Variants in GRIN2B observed in about 807,000 individuals in gnomAD.
GRIN2B encodes the protein glutamate receptor ionotropic, NMDA 2B.
Under a neutral mutation model 114.5 loss-of-function variants are expected in GRIN2B, and 5 were observed. The observed-to-expected ratio is 0.04, with a 90% CI of 0.02 to 0.09. GRIN2B has a LOEUF of 0.09. Among genes scored for constraint, GRIN2B ranks in the 10% least tolerant of loss-of-function variants. GRIN2B has a pLI of 1.00. For missense variants in GRIN2B, 1,108 were observed against 1,943.5 expected (o/e 0.57, Z 8.08); for synonymous variants, 787 against 745.1 (o/e 1.06, Z -0.92).
intron 4 of GRIN2B, among the ~76,000 whole-genome samples, chr12:13,682,229 C>T (rs946879564): frequency 1.3e-5 from 2 of 152,130 alleles, no homozygotes; most frequent in Non-Finnish European, 1.5e-5. Flanking sequence ...CAACAATGTC[C>T]TCTTTTTAAG....
At position 13,563,442 on chromosome 12, in the gene GRIN2B, G is replaced by C. The variant is rs199935748; in HGVS notation, c.3796C>G (p.Pro1266Ala). Residue 1266 changes from proline (P) to alanine (A), a missense_variant, in exon 14 of 14, where the codon CCG becomes GCG. Pro to Ala is a conservative substitution (Grantham distance 27). Around this residue, in one of 19 missense-constraint regions of GRIN2B, gnomAD observed 478 missense variants for 506.0 expected, o/e 0.94. Coordinates refer to ENST00000609686, the MANE Select transcript of GRIN2B (RefSeq NM_000834.5). ...GACGTCACCGCCACTGGGGCAGCCG[G>C]CTGGTCCAGTTCCTGCAGGGAGTTG... ...EDNSLQELDQPAAPVAVTSNA... is the reference protein window; with the variant it reads ...EDNSLQELDQAAAPVAVTSNA... 1.2e-6 allele frequency: 2 copies of C among 1,614,208 alleles called. No individual in the cohort carries two copies. The highest frequency in any genetic ancestry group is 2.7e-5 in the African/African-American group (2 of 75,052).
chr12:13,775,294 G>A (rs1439437443), intron 3 of GRIN2B, among the ~76,000 whole-genome samples: 1 of 152,146 alleles, frequency 6.6e-6, no homozygotes. Context: ...TGGGGCTTGC[G>A]AGTAAGAGCT....
At chr12:13,858,705 G>A (rs1865703773) in intron 3 of GRIN2B, among the ~76,000 whole-genome samples, 2 of 152,112 alleles carry the variant, frequency 1.3e-5, no homozygotes, top group Admixed American at 1.3e-4. Context: ...ATCTATGAGT[G>A]ACTCTGATTC....
At chr12:13,593,843 A>G (rs1345060942) in intron 10 of GRIN2B, among the ~76,000 whole-genome samples, 1 of 152,086 alleles carries the variant, frequency 6.6e-6, no homozygotes, top group Non-Finnish European at 1.5e-5. Flanking sequence ...AACAAACAAC[A>G]CCATCAAAAA....
rs1000558956 is a variant in GRIN2B, at chr12:13,980,364, G to C, written c.-447-8C>G. 3 of 152,196 alleles carry C rather than the reference G, an allele frequency of 2.0e-5. No homozygotes were observed. Among genetic ancestry groups the C allele is most frequent in the African/African-American group, 7.2e-5 (3 of 41,444 alleles). The allele number at this position is 152,196 out of a possible 1,614,324, so 9.4% of individuals were successfully genotyped here. On this transcript the variant is annotated splice_region_variant and splice_polypyrimidine_tract_variant and intron_variant, in intron 1 of 13. Transcript: ENST00000609686. Reference sequence around the variant, plus strand: ...TCCCAAAGCGTCCCCTTCCTAAGGGGGAAAAAGAGGCGGTCAGGGCTTGAT... The same window carrying C: ...TCCCAAAGCGTCCCCTTCCTAAGGGCGAAAAAGAGGCGGTCAGGGCTTGAT...
chr12:13,657,892 A>G (rs1949881939), intron 5 of GRIN2B, among the ~76,000 whole-genome samples: 4 of 152,204 alleles, frequency 2.6e-5, no homozygotes, highest in Non-Finnish European at 2.9e-5. Flanking sequence ...TTATAAAAAT[A>G]TTCCCACATG....
chr12:13,752,837 C>T (rs1591711955), intron 4 of GRIN2B, among the ~76,000 whole-genome samples: 2 of 152,202 alleles, frequency 1.3e-5, no homozygotes, highest in Non-Finnish European at 2.9e-5. Context: ...TACTACAATA[C>T]GGCAACATTC....
intron 4 of GRIN2B, among the ~76,000 whole-genome samples, chr12:13,749,484 C>T (rs1045973579): frequency 7.6e-4 from 116 of 152,238 alleles, no homozygotes; most frequent in African/African-American, 2.8e-3. Context: ...AGAAATCTCC[C>T]AGAGAGCCTT....
At chr12:13,723,380 C>T (rs147434272) in intron 4 of GRIN2B, among the ~76,000 whole-genome samples, 219 of 151,972 alleles carry the variant, frequency 1.4e-3, no homozygotes, top group African/African-American at 4.8e-3. Context: ...TGACCACTTG[C>T]TGTCAGCAAT....
intron 2 of GRIN2B, among the ~76,000 whole-genome samples, chr12:13,973,423 TTTAA>T (rs1346243064): frequency 2.0e-5 from 3 of 152,214 alleles, no homozygotes; most frequent in Non-Finnish European, 1.5e-5. Context: ...TCATTGAAAC[TTTAA>T]TTGTCTTAAT....
intron 2 of GRIN2B, among the ~76,000 whole-genome samples, chr12:13,901,498 T>C (rs1310768674): frequency 6.6e-6 from 1 of 152,084 alleles, no homozygotes; most frequent in Admixed American, 6.5e-5. Context: ...CAGTAGCCAC[T>C]TGTGGCTATT....
intron 10 of GRIN2B, among the ~76,000 whole-genome samples, chr12:13,575,381 G>A (rs577520418): frequency 3.9e-5 from 6 of 152,082 alleles, no homozygotes; most frequent in Non-Finnish European, 5.9e-5. Context: ...TAATCGGGCC[G>A]GGTGCAGTGG....
At chr12:13,816,045 C>T (rs1864817563) in intron 3 of GRIN2B, among the ~76,000 whole-genome samples, 2 of 152,132 alleles carry the variant, frequency 1.3e-5, no homozygotes, top group Non-Finnish European at 2.9e-5. Context: ...ACTTGAGAGG[C>T]ATTTGCAGAG....
chr12:13,957,997 AGTCACAG>A (rs1867621347), intron 2 of GRIN2B, among the ~76,000 whole-genome samples: 1 of 152,204 alleles, frequency 6.6e-6, no homozygotes, highest in African/African-American at 2.4e-5. Flanking sequence ...CATTCTCACT[AGTCACAG>A]GTGGCTAGTG....
chr12:13,695,748 T>C (rs931645199), intron 4 of GRIN2B, among the ~76,000 whole-genome samples: 11 of 152,186 alleles, frequency 7.2e-5, no homozygotes, highest in African/African-American at 2.7e-4. Flanking sequence ...CCAATTAATT[T>C]TTCTAATTAA....
chr12:13,822,654 G>C (rs2136694615), intron 3 of GRIN2B, among the ~76,000 whole-genome samples: 1 of 152,062 alleles, frequency 6.6e-6, no homozygotes, highest in South Asian at 2.1e-4. Flanking sequence ...GTGATAAAAA[G>C]TTTTCCTCCC....
chr12:13,883,545 C>G (rs1032426749), intron 2 of GRIN2B, among the ~76,000 whole-genome samples: 2 of 152,032 alleles, frequency 1.3e-5, no homozygotes, highest in Non-Finnish European at 2.9e-5. Context: ...GAATCTCCTG[C>G]CAACTAATGA....
chr12:13,633,501 T>C (rs779954960), intron 5 of GRIN2B, among the ~76,000 whole-genome samples: 136 of 152,344 alleles, frequency 8.9e-4, no homozygotes, highest in Admixed American at 3.2e-3. Context: ...AAGTTTACTT[T>C]GGAGTAATCA....
intron 2 of GRIN2B, among the ~76,000 whole-genome samples, chr12:13,920,808 G>A (rs1319350974): frequency 6.6e-6 from 1 of 152,118 alleles, no homozygotes; most frequent in East Asian, 1.9e-4. Context: ...AAGCTTTCCT[G>A]TTCTTCACTC....
Sources: allele counts gnomAD v4.1 joint callset (sites outside exome capture counted in the v4.1 genomes callset), GRCh38; gene constraint gnomAD v4.1.1; regional missense constraint gnomAD v4.1.1; transcripts MANE v1.5; gene names NCBI Gene and HGNC (gene_info 2026-07-23, HGNC 2026-07-21).